ETS1: variants seen among roughly 807,000 people sequenced by gnomAD.
The protein encoded by ETS1 is ETS proto-oncogene 1, transcription factor.
Under a neutral mutation model 58.6 loss-of-function variants are expected in ETS1, and 15 were observed. The ratio of observed to expected loss-of-function variants is 0.26; its 90% CI spans 0.17 to 0.39. The LOEUF is 0.39. Ranked by LOEUF, ETS1 falls within the 10% of genes least tolerant of loss-of-function variation. ETS1 has a pLI of 1.00. For synonymous variants in ETS1, 214 were observed against 218.2 expected, an observed-to-expected ratio of 0.98 and a Z score of 0.17; for missense variants, 417 against 610.5, an observed-to-expected ratio of 0.68 and a Z score of 3.34.
intron 8 of ETS1, among the ~76,000 whole-genome samples, chr11:128,470,756 G>A (rs1591593079): frequency 6.6e-6 from 1 of 151,992 alleles, no homozygotes; most frequent in African/African-American, 2.4e-5. Context: ...ATTGGCCTTC[G>A]TATGGCAACT....
At chr11:128,497,005 C>T (rs762590670) in intron 3 of ETS1, among the ~76,000 whole-genome samples, 7 of 152,174 alleles carry the variant, frequency 4.6e-5, no homozygotes, top group Non-Finnish European at 8.8e-5. Context: ...CCCAACCAAA[C>T]CGTCTATTAT....
chr11:128,556,981 G>C (rs1174548212), intron 2 of ETS1, among the ~76,000 whole-genome samples: 1 of 152,078 alleles, frequency 6.6e-6, no homozygotes, highest in Non-Finnish European at 1.5e-5. Flanking sequence ...AATTTTCGAA[G>C]ACTTGTGCCA....
chr11:128,572,858 C>A (rs1864664596), intron 2 of ETS1, among the ~76,000 whole-genome samples: 1 of 152,146 alleles, frequency 6.6e-6, no homozygotes, highest in African/African-American at 2.4e-5. Flanking sequence ...TCAGCAAATC[C>A]ATCAGTATTT....
intron 3 of ETS1, among the ~76,000 whole-genome samples, chr11:128,513,936 C>A (rs1863454818): frequency 6.6e-6 from 1 of 152,122 alleles, no homozygotes; most frequent in East Asian, 1.9e-4. Flanking sequence ...TTATTCTGAA[C>A]ATGAATGATA....
intron 8 of ETS1, among the ~76,000 whole-genome samples, chr11:128,469,631 G>C (rs1862131300): frequency 6.6e-6 from 1 of 152,172 alleles, no homozygotes; most frequent in South Asian, 2.1e-4. Context: ...CATCCTGACA[G>C]TTTCTTGGCC....
chr11:128,519,725 G>A (rs569258509), intron 3 of ETS1, among the ~76,000 whole-genome samples: 5 of 152,254 alleles, frequency 3.3e-5, no homozygotes, highest in African/African-American at 7.2e-5. Context: ...TATACATTGC[G>A]AAGTTAGAAA....
intron 3 of ETS1, among the ~76,000 whole-genome samples, chr11:128,506,042 C>T (rs531906375): frequency 1.3e-5 from 2 of 152,144 alleles, no homozygotes; most frequent in East Asian, 1.9e-4. Context: ...GGAGATGCAG[C>T]GCTCCCCCAG....
At position 128,480,569 on chromosome 11, in the gene ETS1, G is replaced by A. The variant is rs1862457554; in HGVS notation, c.863-118C>T. 1.4e-5 allele frequency: 10 copies of A among 701,520 alleles called. No homozygotes were observed. The South Asian group carries it at 1.5e-4, about 10-fold the overall frequency. The allele number at this position is 701,520 out of a possible 1,614,324, so 43.5% of individuals were successfully genotyped here. The stretch of plus-strand genomic sequence containing the variant: ...GCTAATCAGATCTGCAGGAAGGACG[G>A]AAGAAGGGAGAGGCGAGTGGGAACA... On this transcript the variant is annotated intron_variant, in intron 7 of 9. Coordinates refer to ENST00000392668, the MANE Select transcript of ETS1 (RefSeq NM_001143820.2).
intron 2 of ETS1, among the ~76,000 whole-genome samples, chr11:128,558,480 A>G (rs1202372394): frequency 6.6e-6 from 1 of 152,134 alleles, no homozygotes; most frequent in Non-Finnish European, 1.5e-5. Flanking sequence ...CCCTGTCTCT[A>G]CTAAAAATAC....
intron 3 of ETS1, among the ~76,000 whole-genome samples, chr11:128,544,010 A>C (rs1432903095): frequency 6.6e-6 from 1 of 152,100 alleles, no homozygotes; most frequent in African/African-American, 2.4e-5. Context: ...TTTTATACTT[A>C]ATTCCAACTC....
chr11:128,532,021 T>G (rs1863905708), intron 3 of ETS1, among the ~76,000 whole-genome samples: 1 of 152,240 alleles, frequency 6.6e-6, no homozygotes, highest in Admixed American at 6.5e-5. Context: ...GTTGTTTTTG[T>G]TATTTTGTTT....
intron 1 of ETS1, among the ~76,000 whole-genome samples, chr11:128,577,965 C>T (rs1864787078): frequency 1.3e-5 from 2 of 151,602 alleles, no homozygotes; most frequent in Admixed American, 1.3e-4. Flanking sequence ...TAAGCACCCT[C>T]ATCACCCTGG....
intron 2 of ETS1, among the ~76,000 whole-genome samples, chr11:128,564,926 T>G (rs1040349441): frequency 6.6e-6 from 1 of 151,856 alleles, no homozygotes; most frequent in South Asian, 2.1e-4. Flanking sequence ...TTTTTTGTTT[T>G]TTTTTGTTTT....
At chr11:128,487,604 T>G (rs1205143622) in intron 5 of ETS1, among the ~76,000 whole-genome samples, 1 of 152,052 alleles carries the variant, frequency 6.6e-6, no homozygotes, top group South Asian at 2.1e-4. Flanking sequence ...CTAGGCATGG[T>G]GGCATGCGCC....
At chr11:128,541,090 G>A (rs1216365621) in intron 3 of ETS1, among the ~76,000 whole-genome samples, 2 of 152,076 alleles carry the variant, frequency 1.3e-5, no homozygotes, top group Admixed American at 6.5e-5. Context: ...GCCTCAGGAG[G>A]GTCTCTCCAT....
intron 8 of ETS1, among the ~76,000 whole-genome samples, chr11:128,466,237 T>C (rs1240804848): frequency 6.6e-6 from 1 of 152,190 alleles, no homozygotes; most frequent in Non-Finnish European, 1.5e-5. Flanking sequence ...TGTTTCTCCT[T>C]CCCAATGTTC....
chr11:128,576,050 G>A (rs1864740066), intron 1 of ETS1, among the ~76,000 whole-genome samples: 1 of 152,168 alleles, frequency 6.6e-6, no homozygotes, highest in Non-Finnish European at 1.5e-5. Context: ...CCAACATCTG[G>A]TGCACTCTGT....
chr11:128,493,372 G>C (rs1485344557), intron 3 of ETS1, among the ~76,000 whole-genome samples: 3 of 152,176 alleles, frequency 2.0e-5, no homozygotes, highest in African/African-American at 7.2e-5. Flanking sequence ...CAGGGGGCAG[G>C]CACTTCTGGG....
Position 128,467,177 on chromosome 11 carries a change from G to T in ETS1, c.1124-3550C>A, listed in dbSNP as rs567178541. Among the ~76,000 whole-genome samples the T allele has an allele frequency of 5.9e-5, 9 of 152,320 alleles. No individual in the cohort carries two copies. In the East Asian group the frequency reaches 1.7e-3, roughly 29 times the overall value. Reference sequence around the variant, plus strand: ...TGGGCCAGGGTGGGCGCAGTTCCTGGCTGGGCCCGTGGATGGTCTAATACA... The same window carrying T: ...TGGGCCAGGGTGGGCGCAGTTCCTGTCTGGGCCCGTGGATGGTCTAATACA... On this transcript the variant is annotated intron_variant, in intron 8 of 9. Transcript: ENST00000392668.
Sources: gnomAD v4.1 joint callset for allele counts (sites outside exome capture counted in the v4.1 genomes callset) on GRCh38, gnomAD v4.1.1 for gene constraint, MANE v1.5 for transcripts, NCBI Gene and HGNC (gene_info 2026-07-23, HGNC 2026-07-21) for gene names.